CBFB: variants seen among roughly 807,000 people sequenced by gnomAD.
The protein encoded by CBFB is core-binding factor subunit beta.
Under a neutral mutation model 30.4 loss-of-function variants are expected in CBFB, and 9 were observed. The observed-to-expected ratio is 0.30, with a 90% CI of 0.18 to 0.52. CBFB has a LOEUF of 0.52. Among genes scored for constraint, CBFB ranks in the 20% least tolerant of loss-of-function variants. CBFB has a pLI of 0.97. For synonymous variants in CBFB, 94 were observed against 84.0 expected, an observed-to-expected ratio of 1.12 and a Z score of -0.65; for missense variants, 170 against 244.0, an observed-to-expected ratio of 0.70 and a Z score of 2.02.
chr16:67,099,221 ATTC>A lies in CBFB; in HGVS notation c.*446_*448del. On this transcript the variant is annotated 3_prime_UTR_variant, in exon 6 of 6. Coordinates refer to ENST00000412916, the MANE Select transcript of CBFB (RefSeq NM_022845.3). ...TTATACAGCTTCATTTTAGATGAGC[ATTC>A]TTATTTTTTGTTTTGTTTGCCCCAT... 4.3e-6 allele frequency: 1 copy of A among 233,032 alleles called. No individual in the cohort carries two copies. The highest frequency in any genetic ancestry group is 8.4e-6 in the Non-Finnish European group (1 of 118,498). The allele number at this position is 233,032 out of a possible 1,614,324, so 14.4% of individuals were successfully genotyped here.
At chr16:67,085,789 T>G (rs1447311455) in intron 5 of CBFB, among the ~76,000 whole-genome samples, 1 of 151,570 alleles carries the variant, frequency 6.6e-6, no homozygotes, top group East Asian at 1.9e-4. Context: ...GCCATTCTTC[T>G]GCCTCAGCCT....
intron 5 of CBFB, among the ~76,000 whole-genome samples, chr16:67,088,740 C>T (rs1567624543): frequency 6.6e-6 from 1 of 152,124 alleles, no homozygotes; most frequent in Non-Finnish European, 1.5e-5. Context: ...CAGTAAACGG[C>T]CTGTGGAAGC....
intron 2 of CBFB, among the ~76,000 whole-genome samples, chr16:67,032,437 G>A (rs1227455062): frequency 6.6e-6 from 1 of 152,166 alleles, no homozygotes; most frequent in African/African-American, 2.4e-5. Context: ...CACTTAAGAC[G>A]GCTCATGTCT....
At chr16:67,093,093 G>C (rs181740708) in intron 5 of CBFB, among the ~76,000 whole-genome samples, 1 of 151,972 alleles carries the variant, frequency 6.6e-6, no homozygotes. Context: ...TTCCAGCCAC[G>C]TGCTACCATG....
rs923000619 is a variant in CBFB at position 67,099,165 on chromosome 16, A to AT, written c.*398dup. 4,234 of 203,428 alleles carry AT rather than the reference A, an allele frequency of 0.021. 6 individuals carry two copies. The highest frequency in any genetic ancestry group is 0.031 in the Middle Eastern group (19 of 610). The allele number at this position is 203,428 out of a possible 1,614,324, so 12.6% of individuals were successfully genotyped here. On this transcript the variant is annotated 3_prime_UTR_variant, in exon 6 of 6. Transcript: ENST00000412916. ...AGGGTTTTCTCTAATCATTTTTTCT[A>AT]TTTTTTTTTTTGTACTTCTAGATGT...
chr16:67,047,147 TA>T (rs765428177), intron 3 of CBFB, among the ~76,000 whole-genome samples: 603 of 134,374 alleles, frequency 4.5e-3, no homozygotes, highest in Non-Finnish European at 4.1e-3. Context: ...CCGTCTCTAC[TA>T]AAAAAAAAAA....
At chr16:67,062,514 C>G (rs367726921) in intron 3 of CBFB, among the ~76,000 whole-genome samples, 1 of 150,182 alleles carries the variant, frequency 6.7e-6, no homozygotes, top group Non-Finnish European at 1.5e-5. Flanking sequence ...ATAAGCTGGC[C>G]GGTGCGGTGG....
chr16:67,093,645 T>C (rs1281353529), intron 5 of CBFB: 1 of 152,136 alleles, frequency 6.6e-6, no homozygotes, highest in Non-Finnish European at 1.5e-5. Flanking sequence ...TAGCACAAGG[T>C]TGAGATTAAT....
At chr16:67,096,847 G>A (rs1962061774) in intron 5 of CBFB, among the ~76,000 whole-genome samples, 1 of 150,564 alleles carries the variant, frequency 6.6e-6, no homozygotes, top group African/African-American at 2.4e-5. Context: ...GGTGGTGGGC[G>A]CCTGTAGTCC....
intron 4 of CBFB, among the ~76,000 whole-genome samples, chr16:67,073,144 C>CT (rs1316594297): frequency 2.0e-5 from 3 of 152,166 alleles, no homozygotes; most frequent in African/African-American, 4.8e-5. Context: ...ACAAAATACT[C>CT]TAACAAATGC....
At chr16:67,094,237 T>C (rs1961978630) in intron 5 of CBFB, among the ~76,000 whole-genome samples, 1 of 151,698 alleles carries the variant, frequency 6.6e-6, no homozygotes, top group South Asian at 2.1e-4. Context: ...GAATTACTAG[T>C]GTGAGCCACC....
At chr16:67,037,391 C>T (rs1040277136) in intron 3 of CBFB, among the ~76,000 whole-genome samples, 19 of 151,756 alleles carry the variant, frequency 1.3e-4, no homozygotes, top group African/African-American at 3.1e-4. Flanking sequence ...AAGAGGAAAA[C>T]GGAAAAAAGC....
intron 4 of CBFB, among the ~76,000 whole-genome samples, chr16:67,077,250 A>G (rs886399296): frequency 2.0e-5 from 3 of 152,190 alleles, no homozygotes; most frequent in Non-Finnish European, 2.9e-5. Context: ...GCAAAGTTTT[A>G]TTTGATTCCA....
intron 4 of CBFB, among the ~76,000 whole-genome samples, chr16:67,068,430 A>AG (rs1478792761): frequency 6.6e-6 from 1 of 152,072 alleles, no homozygotes; most frequent in African/African-American, 2.4e-5. Context: ...GCAGTGAACT[A>AG]TGATCATGCC....
At chr16:67,042,716 G>C (rs975903038) in intron 3 of CBFB, among the ~76,000 whole-genome samples, 1 of 152,164 alleles carries the variant, frequency 6.6e-6, no homozygotes, top group Non-Finnish European at 1.5e-5. Context: ...GAGAAAAAGA[G>C]TGAAGCCACC....
intron 5 of CBFB, among the ~76,000 whole-genome samples, chr16:67,098,063 A>C (rs551792364): frequency 6.6e-6 from 1 of 152,328 alleles, no homozygotes; most frequent in South Asian, 2.1e-4. Flanking sequence ...TAATGTGTTA[A>C]AGTTAAATCC....
intron 3 of CBFB, among the ~76,000 whole-genome samples, chr16:67,047,495 A>C (rs1324645249): frequency 6.6e-6 from 1 of 152,208 alleles, no homozygotes; most frequent in Non-Finnish European, 1.5e-5. Flanking sequence ...ATTAAAACAA[A>C]AGGATGGCCT....
intron 2 of CBFB, among the ~76,000 whole-genome samples, chr16:67,032,594 T>G (rs1966370850): frequency 6.6e-6 from 1 of 152,222 alleles, no homozygotes. Context: ...GAGACCTCAT[T>G]AATTTTGTAT....
chr16:67,082,077 C>T (rs982527526), intron 4 of CBFB, 136 bp from the exon 5 acceptor site: 10 of 521,080 alleles, frequency 1.9e-5, no homozygotes, highest in Non-Finnish European at 2.8e-5. Context: ...CCTCGGCCTC[C>T]CAAAGTGCTG....
Sources: allele counts gnomAD v4.1 joint callset (sites outside exome capture counted in the v4.1 genomes callset), GRCh38; gene constraint gnomAD v4.1.1; transcripts MANE v1.5; gene names NCBI Gene and HGNC (gene_info 2026-07-23, HGNC 2026-07-21).